Variants in SEMA3C observed in about 807,000 individuals in gnomAD.
SEMA3C encodes semaphorin-3C.
Under a neutral mutation model 89.4 loss-of-function variants are expected in SEMA3C, and 47 were observed. That is an observed-to-expected ratio of 0.53 (90% CI 0.42 to 0.67). The LOEUF (loss-of-function observed/expected upper bound fraction) is 0.67, where lower values mean the gene tolerates loss of function less well. SEMA3C is among the 30% of genes least tolerant of loss of function. SEMA3C has a pLI of 0.00. For synonymous variants in SEMA3C, 310 were observed against 320.2 expected, an observed-to-expected ratio of 0.97 and a Z score of 0.34; for missense variants, 839 against 929.1, an observed-to-expected ratio of 0.90 and a Z score of 1.26.
chr7:80,868,220 T>A (rs896493587), intron 2 of SEMA3C, among the ~76,000 whole-genome samples: 2 of 152,088 alleles, frequency 1.3e-5, no homozygotes, highest in South Asian at 4.1e-4. Context: ...AAGAATATAT[T>A]CCTTTCCTTC....
intron 2 of SEMA3C, among the ~76,000 whole-genome samples, chr7:80,879,195 G>C (rs1318128240): frequency 6.6e-6 from 1 of 151,648 alleles, no homozygotes; most frequent in Non-Finnish European, 1.5e-5. Context: ...ATTGAACCTA[G>C]GAAGGATTAT....
intron 2 of SEMA3C, among the ~76,000 whole-genome samples, chr7:80,907,615 T>C (rs1340244682): frequency 6.6e-6 from 1 of 152,026 alleles, no homozygotes; most frequent in East Asian, 1.9e-4. Context: ...CAGATTCCTA[T>C]ATAATGGCAA....
At chr7:80,855,886 A>C (rs571653349) in intron 2 of SEMA3C, among the ~76,000 whole-genome samples, 1 of 152,270 alleles carries the variant, frequency 6.6e-6, no homozygotes, top group Non-Finnish European at 1.5e-5. Context: ...CTCTTTAAAA[A>C]AATAACGTCC....
chr7:80,750,467 TATATATACACACACACACAC>T (rs1787903983), intron 16 of SEMA3C, among the ~76,000 whole-genome samples: 1 of 61,794 alleles, frequency 1.6e-5, no homozygotes, highest in South Asian at 5.0e-4. Context: ...TATATATATA[TATATATACACACACACACAC>T]ACACACACAC....
At chr7:80,752,911 C>T (rs1787969632) in intron 15 of SEMA3C, among the ~76,000 whole-genome samples, 1 of 152,076 alleles carries the variant, frequency 6.6e-6, no homozygotes, top group Non-Finnish European at 1.5e-5. Context: ...GGGTTAAATG[C>T]TAAGTCTTTC....
intron 2 of SEMA3C, among the ~76,000 whole-genome samples, chr7:80,880,917 T>C (rs1422489720): frequency 6.6e-6 from 1 of 152,012 alleles, no homozygotes; most frequent in Non-Finnish European, 1.5e-5. Context: ...AGAGAGACAC[T>C]CTGTCTCAAA....
At chr7:80,820,961 A>G (rs1789732503) in intron 4 of SEMA3C, among the ~76,000 whole-genome samples, 11 of 152,154 alleles carry the variant, frequency 7.2e-5, no homozygotes, top group Admixed American at 7.2e-4. Context: ...ATGGATGTCA[A>G]TGTACTTTCA....
At chr7:80,819,595 A>T (rs1242412639) in intron 4 of SEMA3C, among the ~76,000 whole-genome samples, 2 of 152,184 alleles carry the variant, frequency 1.3e-5, no homozygotes, top group Non-Finnish European at 2.9e-5. Context: ...TTCTATGAGG[A>T]ATGACATAAT....
chr7:80,786,715 G>A (rs981383104), intron 12 of SEMA3C, among the ~76,000 whole-genome samples: 43 of 152,142 alleles, frequency 2.8e-4, no homozygotes, highest in East Asian at 1.2e-3. Context: ...CATATTACAC[G>A]AGTAACAATG....
intron 13 of SEMA3C, among the ~76,000 whole-genome samples, chr7:80,762,422 T>C (rs1788206346): frequency 6.6e-6 from 1 of 152,220 alleles, no homozygotes; most frequent in Admixed American, 6.5e-5. Flanking sequence ...TGATAAAATG[T>C]GAATGAATGA....
intron 12 of SEMA3C, among the ~76,000 whole-genome samples, chr7:80,776,585 T>C (rs1788553916): frequency 1.3e-5 from 2 of 152,362 alleles, no homozygotes; most frequent in African/African-American, 4.8e-5. Flanking sequence ...TCTTCACCTG[T>C]TACATAAATT....
At chr7:80,754,967 T>TG (rs71079139) in intron 15 of SEMA3C, among the ~76,000 whole-genome samples, 31 of 115,892 alleles carry the variant, frequency 2.7e-4, no homozygotes, top group South Asian at 1.0e-3. Flanking sequence ...GTTTTTTTTT[T>TG]TTTTGTATTT....
chr7:80,745,357 T>C, intron 17 of SEMA3C, 50 bp from the exon 18 acceptor site: 1 of 1,536,740 alleles, frequency 6.5e-7, no homozygotes, highest in Non-Finnish European at 8.9e-7. Context: ...TATATTTCCT[T>C]AGATTATGAC....
At chr7:80,852,765 G>A (rs575315107) in intron 2 of SEMA3C, among the ~76,000 whole-genome samples, 7 of 147,758 alleles carry the variant, frequency 4.7e-5, no homozygotes, top group African/African-American at 1.0e-4. Context: ...TGCAAGCTCC[G>A]CCTCCTGGGT....
At chr7:80,799,772 T>C (rs923579232) in intron 10 of SEMA3C, among the ~76,000 whole-genome samples, 10 of 151,730 alleles carry the variant, frequency 6.6e-5, no homozygotes, top group African/African-American at 1.9e-4. Flanking sequence ...AAGAACTGTT[T>C]GAATCCAGGA....
intron 12 of SEMA3C, among the ~76,000 whole-genome samples, chr7:80,773,856 T>C (rs1788487996): frequency 1.3e-5 from 2 of 152,200 alleles, no homozygotes; most frequent in African/African-American, 4.8e-5. Context: ...CTTACCAGAT[T>C]GCAGTTGCTA....
At chr7:80,796,581 C>CAAG (rs1422054541) in intron 11 of SEMA3C, 3 of 152,114 alleles carry the variant, frequency 2.0e-5, no homozygotes, top group African/African-American at 7.2e-5. Context: ...TGATGCTTTT[C>CAAG]CCTGTTTTAT....
At chr7:80,748,021 C>A (rs1169246289) in intron 17 of SEMA3C, among the ~76,000 whole-genome samples, 1 of 152,116 alleles carries the variant, frequency 6.6e-6, no homozygotes, top group Non-Finnish European at 1.5e-5. Flanking sequence ...AGTCTACATA[C>A]CCTTAATTAA....
At chr7:80,880,425 T>C (rs1233794852) in intron 2 of SEMA3C, among the ~76,000 whole-genome samples, 1 of 152,206 alleles carries the variant, frequency 6.6e-6, no homozygotes, top group African/African-American at 2.4e-5. Flanking sequence ...ATCTGGCACA[T>C]AGTGCTAAGT....
Sources: gnomAD v4.1 joint callset for allele counts (sites outside exome capture counted in the v4.1 genomes callset) on GRCh38, gnomAD v4.1.1 for gene constraint, MANE v1.5 for transcripts, NCBI Gene and HGNC (gene_info 2026-07-23, HGNC 2026-07-21) for gene names.